ADAP1: variants seen among roughly 807,000 people sequenced by gnomAD.
The protein encoded by ADAP1 is arf-GAP with dual PH domain-containing protein 1.
Under a neutral mutation model 54.9 loss-of-function variants are expected in ADAP1, and 31 were observed. That is an observed-to-expected ratio of 0.56 (90% confidence interval 0.42 to 0.76). The LOEUF (loss-of-function observed/expected upper bound fraction) is 0.76. Among genes scored for constraint, ADAP1 ranks in the 30% least tolerant of loss-of-function variants. The pLI is 0.00. For missense variants in ADAP1, 535 were observed against 512.4 expected, an observed-to-expected ratio of 1.04 and a Z score of -0.42; for synonymous variants, 313 against 202.6, an observed-to-expected ratio of 1.55 and a Z score of -4.63.
At chr7:949,764 C>A (rs1036580296) in intron 1 of ADAP1, among the ~76,000 whole-genome samples, 1 of 151,632 alleles carries the variant, frequency 6.6e-6, no homozygotes, top group Non-Finnish European at 1.5e-5. Flanking sequence ...GCCCTGAGTG[C>A]CAGCTCATCG....
intron 4 of ADAP1, among the ~76,000 whole-genome samples, chr7:908,206 C>G (rs1845560804): frequency 6.6e-6 from 1 of 152,310 alleles, no homozygotes. Flanking sequence ...ACAGGCCAGA[C>G]AGAGGCTCAG....
Position 898,444 on chromosome 7 carries a change from A to G in ADAP1, c.*477T>C, listed in dbSNP as rs1583108964. The G allele has an allele frequency of 2.6e-5, 6 of 228,424 alleles. No individual in the cohort carries two copies. In the East Asian group the frequency reaches 6.4e-4, roughly 24 times the overall value. 14.1% of individuals were successfully genotyped at this position (228,424 alleles called of 1,614,324 possible). Reference sequence around the variant, plus strand: ...CGGCCCTCATAGCCCCGTGACACACAACAGGCGCTCAATAAATAGTCGTGG... The same window carrying G: ...CGGCCCTCATAGCCCCGTGACACACGACAGGCGCTCAATAAATAGTCGTGG... On this transcript the variant is annotated 3_prime_UTR_variant, in exon 11 of 11. Transcript: ENST00000265846.
intron 4 of ADAP1, among the ~76,000 whole-genome samples, chr7:916,678 G>T (rs1265782075): frequency 1.3e-5 from 2 of 152,166 alleles, no homozygotes; most frequent in African/African-American, 4.8e-5. Flanking sequence ...AGGGATTCTT[G>T]AGAGGAAGAA....
chr7:943,594 A>G (rs1847047659), intron 1 of ADAP1, among the ~76,000 whole-genome samples: 1 of 18,928 alleles, frequency 5.3e-5, no homozygotes, highest in Non-Finnish European at 8.5e-5. Context: ...TGAGGAAGGG[A>G]GAGAGGAGGA....
At chr7:955,173 C>A, upstream of ADAP1, 1 of 853,642 alleles carries the variant, frequency 1.2e-6, no homozygotes, top group Non-Finnish European at 1.9e-6. Context: ...ACCCACCCAG[C>A]CGCCCACCAC....
chr7:951,014 C>T (rs577964129), intron 1 of ADAP1, among the ~76,000 whole-genome samples: 12 of 151,850 alleles, frequency 7.9e-5, no homozygotes, highest in East Asian at 1.9e-4. Flanking sequence ...GGCGGTGGCA[C>T]GGTGAGTGAA....
intron 4 of ADAP1, among the ~76,000 whole-genome samples, chr7:908,669 C>A (rs1282531020): frequency 6.6e-6 from 1 of 152,178 alleles, no homozygotes; most frequent in Non-Finnish European, 1.5e-5. Flanking sequence ...GGCTCTGCCT[C>A]CGACATCAGG....
Position 937,899 on chromosome 7 carries a change from G to C in ADAP1, c.83-2394C>G, listed in dbSNP as rs552206137. Among the ~76,000 whole-genome samples, 3 of 152,268 alleles carry C rather than the reference G, an allele frequency of 2.0e-5. No homozygotes were observed. In the South Asian group the frequency reaches 6.2e-4, roughly 32 times the overall value. On this transcript the variant is annotated intron_variant, in intron 1 of 10. Coordinates refer to ENST00000265846, the MANE Select transcript of ADAP1 (RefSeq NM_006869.4). ...GGGCTTCTTGAGGACCCCAGACCCA[G>C]CACCCCCGGATCTGGCACAGAGCTC...
intron 9 of ADAP1, 32 bp from the exon 10 acceptor site, chr7:899,293 C>G: frequency 6.2e-7 from 1 of 1,610,022 alleles, no homozygotes; most frequent in Non-Finnish European, 8.5e-7. Flanking sequence ...GAGGCGGGGC[C>G]ATGTCCCTTC....
At chr7:922,440 G>GCT (rs1562927319) in intron 3 of ADAP1, among the ~76,000 whole-genome samples, 1 of 152,120 alleles carries the variant, frequency 6.6e-6, no homozygotes, top group Non-Finnish European at 1.5e-5. Flanking sequence ...AGGGGAAGAC[G>GCT]CTCTGAGCCC....
At position 938,957 on chromosome 7, in the gene ADAP1, C is replaced by T. The variant is rs1246123874; in HGVS notation, c.83-3452G>A. ...GCCTGTGCCCACCTCCAACCTCACT[C>T]GGGTGCTCCGGGACAGGCTGTCCCT... On this transcript the variant is annotated intron_variant, in intron 1 of 10. Transcript: ENST00000265846. This position sits in a 1 kb window ranked among gnomAD's most constrained non-coding sequence, Gnocchi z 4.4. Among the ~76,000 whole-genome samples the T allele has an allele frequency of 1.3e-5, 2 of 152,166 alleles. No homozygotes were observed. Among genetic ancestry groups the T allele is most frequent in the African/African-American group, 2.4e-5 (1 of 41,438 alleles).
chr7:951,078 A>T (rs1234367719), intron 1 of ADAP1, among the ~76,000 whole-genome samples: 1 of 151,234 alleles, frequency 6.6e-6, no homozygotes, highest in Non-Finnish European at 1.5e-5. Context: ...GTAAATTATT[A>T]TTTTTAAAAA....
intron 1 of ADAP1, among the ~76,000 whole-genome samples, chr7:951,093 G>A (rs1209210053): frequency 5.9e-5 from 9 of 152,126 alleles, no homozygotes; most frequent in East Asian, 3.9e-4. Flanking sequence ...TAAAAAATCC[G>A]GCCAGGCGCG....
intron 1 of ADAP1, among the ~76,000 whole-genome samples, chr7:948,709 T>C (rs1031733916): frequency 2.1e-4 from 32 of 152,032 alleles, no homozygotes; most frequent in Admixed American, 2.0e-4. Context: ...TCCTTTTTTT[T>C]CCCTTGAGAC....
At chr7:917,733 G>A (rs1012677810) in intron 4 of ADAP1, among the ~76,000 whole-genome samples, 4 of 152,040 alleles carry the variant, frequency 2.6e-5, no homozygotes, top group Non-Finnish European at 5.9e-5. Flanking sequence ...CTCCCAAGGT[G>A]CTTCTTTTAT....
chr7:935,452 C>T lies in ADAP1; in HGVS notation c.136G>A (p.Gly46Arg), dbSNP rs774193153. 5 of 1,561,422 alleles carry T rather than the reference C, an allele frequency of 3.2e-6. No individual in the cohort carries two copies. Among genetic ancestry groups the T allele is most frequent in the Middle Eastern group, 1.7e-4 (1 of 5,996 alleles). ...LGVFICLSCS[G>R]IHRNIPQVSK... ...ACCTGGGGGATATTCCGGTGGATTCCCGAGCAGCTCAGGCAGATGAAGACG... is the reference window on the plus strand; with the variant it reads ...ACCTGGGGGATATTCCGGTGGATTCTCGAGCAGCTCAGGCAGATGAAGACG... Residue 46 changes from glycine to arginine, a missense_variant, in exon 2 of 11, where the codon GGA becomes AGA. Physicochemically the swap from Gly to Arg is moderately radical, Grantham distance 125. Transcript: ENST00000265846.
Position 904,263 on chromosome 7 carries a change from G to C in ADAP1, c.511C>G (p.Pro171Ala). The C allele has an allele frequency of 1.3e-6, 2 of 1,596,262 alleles. No homozygotes were observed. The highest frequency in any genetic ancestry group is 1.7e-6 in the Non-Finnish European group (2 of 1,170,712). ...TGCTCGATCTTCATCACGGCCTTGGGCTCCTTGGCCTGAGAAGGGGTGGGG... is the reference window on the plus strand; with the variant it reads ...TGCTCGATCTTCATCACGGCCTTGGCCTCCTTGGCCTGAGAAGGGGTGGGG... ...KYFNRNDAKEPKAVMKIEHLN... is the reference protein window; with the variant it reads ...KYFNRNDAKEAKAVMKIEHLN... Residue 171 changes from proline (P) to alanine (A), a missense_variant, in exon 6 of 11, where the codon CCC becomes GCC. Pro to Ala is a conservative substitution (Grantham distance 27, BLOSUM62 -1). Transcript: ENST00000265846.
At chr7:903,150 G>A (rs1844906857) in intron 6 of ADAP1, among the ~76,000 whole-genome samples, 1 of 151,846 alleles carries the variant, frequency 6.6e-6, no homozygotes, top group Admixed American at 6.5e-5. Flanking sequence ...AGAGTCTGCG[G>A]CAACACATGG....
At chr7:935,064 T>G in intron 2 of ADAP1, 1 of 517,352 alleles carries the variant, frequency 1.9e-6, no homozygotes. Flanking sequence ...GCTCCAGGTG[T>G]GGGGATTTGA....
Sources: gnomAD v4.1 joint callset for allele counts (sites outside exome capture counted in the v4.1 genomes callset) on GRCh38, gnomAD v4.1.1 for gene constraint, Gnocchi (gnomAD v3.1) non-coding constraint, MANE v1.5 for transcripts, NCBI Gene and HGNC (gene_info 2026-07-23, HGNC 2026-07-21) for gene names.